CRPPA: variants seen among roughly 807,000 people sequenced by gnomAD.
CRPPA encodes the protein D-ribitol-5-phosphate cytidylyltransferase.
A neutral mutation model predicts 52.0 loss-of-function variants in CRPPA; 43 were observed. That is an observed-to-expected ratio of 0.83 (90% CI 0.65 to 1.07). CRPPA has a LOEUF of 1.07. Ranked by LOEUF, CRPPA falls within the 50% of genes least tolerant of loss-of-function variation. The pLI, the probability that CRPPA is intolerant of heterozygous loss-of-function variation, is 0.00. For missense variants in CRPPA, 629 were observed against 551.7 expected, an observed-to-expected ratio of 1.14 and a Z score of -1.40; for synonymous variants, 250 against 203.5, an observed-to-expected ratio of 1.23 and a Z score of -1.94.
chr7:16,127,143 C>A (rs756133100), intron 9 of CRPPA, among the ~76,000 whole-genome samples: 2 of 152,008 alleles, frequency 1.3e-5, no homozygotes, highest in African/African-American at 4.8e-5. Flanking sequence ...AAATTAAAAA[C>A]CAAATAATAT....
rs1562588951 is a variant in CRPPA at position 16,254,855 on chromosome 7, A to AAAG, written c.1119+3532_1119+3534dup. On this transcript the variant is annotated intron_variant, in intron 8 of 9. Coordinates refer to ENST00000407010, the MANE Select transcript of CRPPA (RefSeq NM_001101426.4). Reference sequence around the variant, plus strand: ...AAAGAAAGAAAGAAAGAGAAAGAAGAAAGAAAGAAAGAAAGAGGCAGGCAC... The same window carrying AAAG: ...AAAGAAAGAAAGAAAGAGAAAGAAGAAAGAAGAAAGAAAGAAAGAGGCAGGCAC... 6.3e-4 allele frequency among the ~76,000 whole-genome samples: 94 copies of AAAG among 150,384 alleles called. 1 individual carries two copies. Among genetic ancestry groups the AAAG allele is most frequent in the Non-Finnish European group, 1.2e-3 (78 of 67,466 alleles).
chr7:16,106,765 A>G (rs1297470406), intron 9 of CRPPA, among the ~76,000 whole-genome samples: 1 of 152,204 alleles, frequency 6.6e-6, no homozygotes, highest in Non-Finnish European at 1.5e-5. Flanking sequence ...CTCTAAAAGA[A>G]AGTAATAAAG....
chr7:16,225,331 T>C (rs1349312490), intron 8 of CRPPA, among the ~76,000 whole-genome samples: 1 of 152,022 alleles, frequency 6.6e-6, no homozygotes, highest in African/African-American at 2.4e-5. Context: ...AGGTGGTCTC[T>C]CTTACAAGAA....
At chr7:16,195,556 C>T (rs1195212815) in intron 9 of CRPPA, among the ~76,000 whole-genome samples, 1 of 151,908 alleles carries the variant, frequency 6.6e-6, no homozygotes, top group Non-Finnish European at 1.5e-5. Context: ...CCTTAGCTTC[C>T]CTCTGGCCAG....
intron 3 of CRPPA, among the ~76,000 whole-genome samples, chr7:16,350,606 A>G (rs1786124232): frequency 6.6e-6 from 1 of 152,152 alleles, no homozygotes. Context: ...CCTATCATAG[A>G]TATACAAATG....
chr7:16,394,822 G>C (rs1159282646), intron 2 of CRPPA, among the ~76,000 whole-genome samples: 1 of 152,194 alleles, frequency 6.6e-6, no homozygotes, highest in African/African-American at 2.4e-5. Flanking sequence ...TTAAACTAAA[G>C]GCCCATGAAA....
chr7:16,302,994 A>T (rs370329744), intron 4 of CRPPA, among the ~76,000 whole-genome samples: 51 of 152,322 alleles, frequency 3.3e-4, no homozygotes, highest in African/African-American at 9.9e-4. Context: ...AGTTAGATGG[A>T]AAAAATGAAT....
chr7:16,309,417 C>G (rs1562623079), intron 3 of CRPPA, among the ~76,000 whole-genome samples: 1 of 152,038 alleles, frequency 6.6e-6, no homozygotes, highest in Non-Finnish European at 1.5e-5. Flanking sequence ...ATAGATGCAG[C>G]ACTAGAAGAA....
chr7:16,417,820 G>C (rs781067016), intron 1 of CRPPA, among the ~76,000 whole-genome samples: 1 of 152,036 alleles, frequency 6.6e-6, no homozygotes, highest in Non-Finnish European at 1.5e-5. Flanking sequence ...CAAATTTGGG[G>C]TATCACATAC....
chr7:16,404,998 T>C (rs1787917348), intron 2 of CRPPA, among the ~76,000 whole-genome samples: 1 of 152,142 alleles, frequency 6.6e-6, no homozygotes, highest in Non-Finnish European at 1.5e-5. Flanking sequence ...GTGAAATTCA[T>C]GTTGCAGAAG....
chr7:16,114,737 A>G (rs931042279), intron 9 of CRPPA, among the ~76,000 whole-genome samples: 3 of 152,016 alleles, frequency 2.0e-5, no homozygotes, highest in Non-Finnish European at 4.4e-5. Context: ...ATGAAAGACA[A>G]CCAAACAACT....
At position 16,421,092 on chromosome 7, in the gene CRPPA, G is replaced by A. The variant is rs1271300165; in HGVS notation, c.231C>T (p.Ile77=). The change falls in exon 1 of 10, where the codon ATC becomes ATT. Residue 77 remains isoleucine, a synonymous_variant. Coordinates refer to ENST00000407010, the MANE Select transcript of CRPPA (RefSeq NM_001101426.4). The stretch of plus-strand genomic sequence containing the variant: ...TCTCCAGGGCCTGTAGGGTGTAGCT[G>A]ATGAGCGGCCTCTCCAGGATGGGGC... ...QFCPILERPL[I]SYTLQALERV... The A allele has an allele frequency of 2.3e-6, 3 of 1,298,208 alleles. No individual in the cohort carries two copies. The Admixed American group carries it at 1.2e-4, about 53-fold the overall frequency. 80.4% of individuals were successfully genotyped at this position (1,298,208 alleles called of 1,614,324 possible). A position where few individuals can be genotyped will look rare whatever the true frequency, so the allele number is the denominator to read the frequency against.
chr7:16,346,345 A>G (rs1243567083), intron 3 of CRPPA, among the ~76,000 whole-genome samples: 1 of 152,192 alleles, frequency 6.6e-6, no homozygotes, highest in Non-Finnish European at 1.5e-5. Flanking sequence ...AAGGCTCCAT[A>G]AGAAGTTTAT....
At chr7:16,258,552 T>A in intron 7 of CRPPA, 70 bp from the exon 8 acceptor site, 2 of 845,198 alleles carry the variant, frequency 2.4e-6, no homozygotes, top group South Asian at 3.3e-5. Flanking sequence ...TTTCAAGGAA[T>A]AAATGGAGAG....
chr7:16,258,247 G>A (rs557451740), intron 8 of CRPPA, 143 bp downstream of exon 8: 68 of 494,588 alleles, frequency 1.4e-4, no homozygotes, highest in African/African-American at 1.3e-3. Context: ...CATAGCTAGA[G>A]AGTAAGCAGA....
intron 3 of CRPPA, among the ~76,000 whole-genome samples, chr7:16,352,575 A>G (rs1786184515): frequency 1.3e-5 from 2 of 152,168 alleles, no homozygotes; most frequent in African/African-American, 2.4e-5. Context: ...CAACTGTTAC[A>G]TTTCATTTGA....
chr7:16,318,974 A>G (rs551701618), intron 3 of CRPPA, among the ~76,000 whole-genome samples: 2 of 152,258 alleles, frequency 1.3e-5, no homozygotes, highest in East Asian at 3.9e-4. Flanking sequence ...CATCTTGGCT[A>G]TCATCCACAG....
rs373653766 is a variant in CRPPA at position 16,173,324 on chromosome 7, CT to C, written c.1251+42741del. On this transcript the variant is annotated intron_variant, in intron 9 of 9. Transcript: ENST00000407010. ...TATTCCATTGTTTTATGTTTGAGAC[CT>C]AAACCTAGAACAATCACTATACTTA... Among the ~76,000 whole-genome samples the C allele has an allele frequency of 3.1e-3, 477 of 152,266 alleles. 3 individuals are homozygous for C. The highest frequency in any genetic ancestry group is 0.011 in the African/African-American group (456 of 41,548).
intron 9 of CRPPA, among the ~76,000 whole-genome samples, chr7:16,214,557 G>T (rs1782250388): frequency 6.6e-6 from 1 of 152,086 alleles, no homozygotes; most frequent in Non-Finnish European, 1.5e-5. Flanking sequence ...GTGTGCAGGG[G>T]CGGCAACCTC....
Sources: gnomAD v4.1 joint callset for allele counts (sites outside exome capture counted in the v4.1 genomes callset) on GRCh38, gnomAD v4.1.1 for gene constraint, MANE v1.5 for transcripts, NCBI Gene and HGNC (gene_info 2026-07-23, HGNC 2026-07-21) for gene names.